Variants in PCDH15 observed in about 807,000 individuals in gnomAD.
The protein encoded by PCDH15 is protocadherin related 15.
A neutral mutation model predicts 178.5 loss-of-function variants in PCDH15; 129 were observed. The ratio of observed to expected loss-of-function variants is 0.72; its 90% confidence interval spans 0.63 to 0.84. The LOEUF is 0.84. PCDH15 is among the 40% of genes least tolerant of loss of function. The pLI, the probability that PCDH15 is intolerant of heterozygous loss-of-function variation, is 0.00. For synonymous variants in PCDH15, 800 were observed against 732.0 expected (o/e 1.09, Z -1.50); for missense variants, 2,230 against 2,099.9 (o/e 1.06, Z -1.21).
chr10:54,171,681 T>C (rs1057019387), intron 13 of PCDH15, among the ~76,000 whole-genome samples: 2 of 152,210 alleles, frequency 1.3e-5, no homozygotes, highest in East Asian at 1.9e-4. Context: ...GGCAGGACTA[T>C]GCTGAATCTC....
At chr10:55,067,414 T>C (rs547145672) in intron 2 of PCDH15, among the ~76,000 whole-genome samples, 6 of 152,160 alleles carry the variant, frequency 3.9e-5, no homozygotes, top group African/African-American at 1.4e-4. Context: ...ATGATTTTAT[T>C]CTTTTTAACA....
chr10:55,229,852 C>T (rs915559960), intron 1 of PCDH15, among the ~76,000 whole-genome samples: 1 of 152,114 alleles, frequency 6.6e-6, no homozygotes, highest in Non-Finnish European at 1.5e-5. Flanking sequence ...GGGATTCCAG[C>T]TTGACAAGTC....
Position 54,146,980 on chromosome 10 carries a change from A to ATATATATATAATGTATATATATAGTG in PCDH15, c.1784+6094_1784+6119dup, listed in dbSNP as rs1564530884. On this transcript the variant is annotated intron_variant, in intron 14 of 37. Coordinates refer to ENST00000644397, the MANE Select transcript of PCDH15 (RefSeq NM_001384140.1). ...TATATATAATGTATATATATAGTGT[A>ATATATATATAATGTATATATATAGTG]TATATATATAATGTATATATATAGT... Among the ~76,000 whole-genome samples the ATATATATATAATGTATATATATAGTG allele has an allele frequency of 2.3e-3, 275 of 118,468 alleles. 2 individuals carry two copies. Among genetic ancestry groups the ATATATATATAATGTATATATATAGTG allele is most frequent in the African/African-American group, 9.3e-3 (244 of 26,098 alleles). The allele number at this position is 118,468 out of a possible 152,430, so 77.7% of individuals were successfully genotyped here.
At chr10:55,249,416 A>G (rs1184103631) in intron 1 of PCDH15, among the ~76,000 whole-genome samples, 2 of 152,176 alleles carry the variant, frequency 1.3e-5, no homozygotes, top group Non-Finnish European at 2.9e-5. Flanking sequence ...ATGTAATTAC[A>G]ATTTCTGTTC....
intron 25 of PCDH15, among the ~76,000 whole-genome samples, chr10:53,915,471 G>A (rs917958762): frequency 1.3e-5 from 2 of 152,154 alleles, no homozygotes; most frequent in African/African-American, 2.4e-5. Flanking sequence ...CTTGTATCTA[G>A]AAGAAATATT....
At chr10:53,851,830 A>T (rs750396097) in intron 28 of PCDH15, among the ~76,000 whole-genome samples, 10 of 150,782 alleles carry the variant, frequency 6.6e-5, no homozygotes, top group Non-Finnish European at 1.5e-4. Flanking sequence ...CCTTAATTCT[A>T]GGAACTATAG....
chr10:53,905,181 T>C (rs1268617195), intron 25 of PCDH15: 2 of 518,850 alleles, frequency 3.9e-6, no homozygotes, highest in Non-Finnish European at 7.7e-6. Flanking sequence ...CTTAAGTCTG[T>C]TGTTGTCTCA....
rs182159415 is a variant in PCDH15 at position 54,292,081 on chromosome 10, T to G, written c.876+25190A>C. Among the ~76,000 whole-genome samples, 385 of 152,280 alleles carry G rather than the reference T, an allele frequency of 2.5e-3. 1 individual carries two copies. Among genetic ancestry groups the G allele is most frequent in the Non-Finnish European group, 4.5e-3 (306 of 68,028 alleles). The stretch of plus-strand genomic sequence containing the variant: ...GATGCAAAAATCCTCAATAAAATAC[T>G]GGCAAACCAAATCCAGCAGCACAAG... On this transcript the variant is annotated intron_variant, in intron 8 of 37. Transcript: ENST00000644397.
chr10:55,395,417 C>T (rs948096727), intron 2 of PCDH15, among the ~76,000 whole-genome samples: 1 of 152,040 alleles, frequency 6.6e-6, no homozygotes, highest in Non-Finnish European at 1.5e-5. Context: ...TAGATCATTA[C>T]ATGTGAAACA....
intron 1 of PCDH15, among the ~76,000 whole-genome samples, chr10:54,671,314 A>G (rs2094665443): frequency 6.6e-6 from 1 of 152,196 alleles, no homozygotes; most frequent in South Asian, 2.1e-4. Context: ...AGAAACACAA[A>G]TAAATTAATG....
chr10:54,813,626 T>C (rs1049859379), intron 3 of PCDH15, among the ~76,000 whole-genome samples: 1 of 152,188 alleles, frequency 6.6e-6, no homozygotes, highest in Non-Finnish European at 1.5e-5. Flanking sequence ...TTCTCAGCTC[T>C]ATTCCTTATT....
chr10:54,253,683 T>C (rs2056680500), intron 8 of PCDH15, among the ~76,000 whole-genome samples: 1 of 152,106 alleles, frequency 6.6e-6, no homozygotes, highest in African/African-American at 2.4e-5. Context: ...ATGTGAACTT[T>C]AGTAATATTA....
chr10:54,828,684 A>G (rs1953172295), intron 3 of PCDH15, among the ~76,000 whole-genome samples: 1 of 152,134 alleles, frequency 6.6e-6, no homozygotes, highest in Non-Finnish European at 1.5e-5. Flanking sequence ...AGTAGCTCCT[A>G]TATGTCAGGC....
At chr10:54,622,684 T>TA (rs1565777524) in intron 2 of PCDH15, among the ~76,000 whole-genome samples, 1 of 22,330 alleles carries the variant, frequency 4.5e-5, no homozygotes, top group African/African-American at 1.8e-4. Context: ...ATAATATATA[T>TA]TATATAATAT....
chr10:54,576,618 A>C (rs1054118028), intron 2 of PCDH15, among the ~76,000 whole-genome samples: 2 of 152,162 alleles, frequency 1.3e-5, no homozygotes, highest in African/African-American at 4.8e-5. Context: ...TTCTCCTGCG[A>C]TTTTTTTAAA....
At chr10:53,874,855 T>TA (rs2080112189) in intron 26 of PCDH15, among the ~76,000 whole-genome samples, 1 of 151,830 alleles carries the variant, frequency 6.6e-6, no homozygotes, top group East Asian at 1.9e-4. Context: ...AAATGCGGAA[T>TA]AAAAAATGAG....
chr10:54,941,919 TTGAC>T (rs983842196), intron 2 of PCDH15, among the ~76,000 whole-genome samples: 5 of 152,042 alleles, frequency 3.3e-5, no homozygotes, highest in Non-Finnish European at 7.4e-5. Context: ...CAGACTCTCT[TTGAC>T]TGTCTCTTTC....
At position 55,364,066 on chromosome 10, in the gene PCDH15, G is replaced by A. The variant is rs1250267274; in HGVS notation, c.-155-197415C>T. On this transcript the variant is annotated intron_variant, in intron 2 of 5. Transcript: ENST00000613346. ...CCCCATGCTGTTCTCATGATAGTGA[G>A]TGAGTGAGTTCTCACGAAATCTATT... is the stretch of plus-strand genomic sequence containing the variant. 2.6e-5 allele frequency among the ~76,000 whole-genome samples: 4 copies of A among 152,078 alleles called. No homozygotes were observed. In the South Asian group the frequency reaches 6.2e-4, roughly 24 times the overall value.
intron 3 of PCDH15, among the ~76,000 whole-genome samples, chr10:54,380,298 G>T (rs547983911): frequency 1.3e-5 from 2 of 151,870 alleles, no homozygotes; most frequent in African/African-American, 4.8e-5. Context: ...TGAGTGGAAT[G>T]AGTATTTTTA....
Sources: gnomAD v4.1 joint callset for allele counts (sites outside exome capture counted in the v4.1 genomes callset) on GRCh38, gnomAD v4.1.1 for gene constraint, MANE v1.5 for transcripts, NCBI Gene and HGNC (gene_info 2026-07-23, HGNC 2026-07-21) for gene names.